The following TIAM2 variants were observed in gnomAD, a reference collection of about 807,000 sequenced individuals.
The protein encoded by TIAM2 is TIAM Rac1 associated GEF 2.
In TIAM2, 80 loss-of-function variants were observed where a neutral mutation model predicts 152.9. That is an observed-to-expected ratio of 0.52 (90% confidence interval 0.44 to 0.63). The LOEUF (loss-of-function observed/expected upper bound fraction) is 0.63, where lower values mean the gene tolerates loss of function less well. Among genes scored for constraint, TIAM2 ranks in the 30% least tolerant of loss-of-function variants. The pLI is 0.00. For missense variants in TIAM2, 1,965 were observed against 2,120.1 expected (o/e 0.93, Z 1.44); for synonymous variants, 804 against 838.0 (o/e 0.96, Z 0.70).
intron 1 of TIAM2, among the ~76,000 whole-genome samples, chr6:155,020,397 C>CT (rs1352510593): frequency 1.3e-5 from 2 of 152,160 alleles, no homozygotes; most frequent in Non-Finnish European, 2.9e-5. Flanking sequence ...CATTGTCCCC[C>CT]TTTTTTCACC....
chr6:155,198,062 T>A (rs1781389047), intron 14 of TIAM2, among the ~76,000 whole-genome samples: 1 of 152,224 alleles, frequency 6.6e-6, no homozygotes, highest in Admixed American at 6.5e-5. Context: ...TACTCACCTT[T>A]CATGCTTCTC....
At chr6:155,237,042 C>T (rs1237923193) in intron 15 of TIAM2, among the ~76,000 whole-genome samples, 1 of 152,228 alleles carries the variant, frequency 6.6e-6, no homozygotes, top group East Asian at 1.9e-4. Context: ...AAAATCTCAT[C>T]CCAGAGAAGG....
intron 15 of TIAM2, among the ~76,000 whole-genome samples, chr6:155,228,455 C>T (rs553809588): frequency 3.3e-5 from 5 of 152,222 alleles, no homozygotes; most frequent in Non-Finnish European, 7.4e-5. Context: ...ACACTGAAGA[C>T]CTTTCCTGGC....
intron 1 of TIAM2, among the ~76,000 whole-genome samples, chr6:155,028,869 C>CGTTATATATACACTGTATATACTATA: frequency 1.9e-5 from 1 of 53,692 alleles, no homozygotes. Context: ...TATATACTAT[C>CGTTATATATACACTGTATATACTATA]TATACTATGT....
At chr6:155,224,355 T>C (rs1782167944) in intron 15 of TIAM2, among the ~76,000 whole-genome samples, 1 of 152,112 alleles carries the variant, frequency 6.6e-6, no homozygotes. Context: ...GTGTCATGAG[T>C]AGATGTGTCT....
At chr6:155,224,565 T>C (rs1331867197) in intron 15 of TIAM2, among the ~76,000 whole-genome samples, 1 of 152,370 alleles carries the variant, frequency 6.6e-6, no homozygotes, top group South Asian at 2.1e-4. Context: ...GATGTGTCAT[T>C]AGTATGGAAG....
At chr6:155,123,902 C>G (rs572252094) in intron 2 of TIAM2, among the ~76,000 whole-genome samples, 2 of 152,238 alleles carry the variant, frequency 1.3e-5, no homozygotes, top group Non-Finnish European at 2.9e-5. Context: ...TGAGTGGCAG[C>G]AGCCAGGAGC....
At chr6:155,169,086 C>G (rs2115109392) in intron 9 of TIAM2, among the ~76,000 whole-genome samples, 1 of 152,316 alleles carries the variant, frequency 6.6e-6, no homozygotes, top group East Asian at 1.9e-4. Flanking sequence ...AGCTTCGCCT[C>G]CCGGGTTCAT....
At position 155,030,190 on chromosome 6, in the gene TIAM2, G is replaced by A. The variant is rs538499490; in HGVS notation, c.-209+34698G>A. ...ATAACTTTCTGAAATTACGGAGTTTGGGGAGGGAGGAGAGGGAGGCAAGAT... is the reference window on the plus strand; with the variant it reads ...ATAACTTTCTGAAATTACGGAGTTTAGGGAGGGAGGAGAGGGAGGCAAGAT... On this transcript the variant is annotated intron_variant, in intron 1 of 26. Transcript: ENST00000682666. 3.3e-5 allele frequency among the ~76,000 whole-genome samples: 5 copies of A among 152,238 alleles called. No homozygotes were observed. In the East Asian group the frequency reaches 5.8e-4, roughly 18 times the overall value.
At chr6:155,112,250 C>G (rs1019908462) in intron 2 of TIAM2, among the ~76,000 whole-genome samples, 6 of 151,872 alleles carry the variant, frequency 4.0e-5, no homozygotes, top group Admixed American at 6.6e-5. Flanking sequence ...CTCAGCCTCC[C>G]AAGCAGCTGG....
intron 7 of TIAM2, among the ~76,000 whole-genome samples, chr6:155,152,115 T>C (rs886690035): frequency 1.3e-5 from 2 of 152,182 alleles, no homozygotes; most frequent in African/African-American, 4.8e-5. Context: ...AGTGCTGGGA[T>C]TACAGGTGTA....
intron 22 of TIAM2, 117 bp downstream of exon 22, chr6:155,251,138 G>C: frequency 1.2e-6 from 1 of 850,722 alleles, no homozygotes; most frequent in Non-Finnish European, 1.9e-6. Flanking sequence ...TTGCTATAAT[G>C]GTTGGGGACT....
At position 155,111,660 on chromosome 6, in the gene TIAM2, C is replaced by T. The variant is rs140412654; in HGVS notation, c.-117-15830C>T. 3.3e-3 allele frequency among the ~76,000 whole-genome samples: 496 copies of T among 152,270 alleles called. 1 individual carries two copies. The highest frequency in any genetic ancestry group is 0.011 in the African/African-American group (456 of 41,562). On this transcript the variant is annotated intron_variant, in intron 2 of 26. Transcript: ENST00000682666. ...TGCTCTAGAGCCACCTCCTCTTGTG[C>T]GTGCAATTCCTCTCCCTTTGACCCA...
intron 9 of TIAM2, among the ~76,000 whole-genome samples, chr6:155,172,183 A>T (rs1265010783): frequency 6.6e-6 from 1 of 152,164 alleles, no homozygotes; most frequent in African/African-American, 2.4e-5. Context: ...GACGTTCACT[A>T]GTCAGTCTGG....
At chr6:155,244,134 C>G in intron 17 of TIAM2, 55 bp downstream of exon 17, 1 of 1,509,950 alleles carries the variant, frequency 6.6e-7, no homozygotes, top group Non-Finnish European at 9.2e-7. Context: ...TCTCTGTTTG[C>G]CTTTTAGCAG....
At chr6:155,206,027 G>A (rs762946771) in intron 14 of TIAM2, among the ~76,000 whole-genome samples, 4 of 150,800 alleles carry the variant, frequency 2.7e-5, no homozygotes, top group Admixed American at 6.6e-5. Flanking sequence ...TTGCCCTTTC[G>A]TTGTAAAGGA....
chr6:155,228,951 A>G (rs1045939147), intron 15 of TIAM2, among the ~76,000 whole-genome samples: 11 of 152,208 alleles, frequency 7.2e-5, no homozygotes, highest in Admixed American at 6.5e-4. Context: ...CTTCCTGGGC[A>G]TGCCCCCTAG....
intron 2 of TIAM2, among the ~76,000 whole-genome samples, chr6:155,095,235 G>T (rs1169402274): frequency 6.6e-6 from 1 of 152,130 alleles, no homozygotes; most frequent in African/African-American, 2.4e-5. Flanking sequence ...CCGAGGGAGT[G>T]GGCTCAATGC....
chr6:155,088,571 A>C (rs1038523218), intron 1 of TIAM2, among the ~76,000 whole-genome samples: 1 of 94,816 alleles, frequency 1.1e-5, no homozygotes, highest in Non-Finnish European at 2.4e-5. Context: ...AGTGTAGATC[A>C]TATTTCCATT....
Sources: allele counts gnomAD v4.1 joint callset (sites outside exome capture counted in the v4.1 genomes callset), GRCh38; gene constraint gnomAD v4.1.1; transcripts MANE v1.5; gene names NCBI Gene and HGNC (gene_info 2026-07-23, HGNC 2026-07-21).